The following TULP4 variants were observed in gnomAD, a reference collection of about 807,000 sequenced individuals.
TULP4 encodes the protein TUB like protein 4.
TULP4 carries 16 observed loss-of-function variants against 129.0 expected under a neutral mutation model. The observed-to-expected ratio is 0.12, with a 90% CI of 0.08 to 0.19. The LOEUF is 0.19. Ranked by LOEUF, TULP4 falls within the 10% of genes least tolerant of loss-of-function variation. TULP4 has a pLI of 1.00. For missense variants in TULP4, 1,842 were observed against 2,059.1 expected (o/e 0.89, Z 2.04); for synonymous variants, 998 against 854.0 (o/e 1.17, Z -2.94).
chr6:158,500,117 A>G (rs1332676187), intron 12 of TULP4, among the ~76,000 whole-genome samples: 1 of 152,210 alleles, frequency 6.6e-6, no homozygotes, highest in Non-Finnish European at 1.5e-5. Context: ...TGCGAGGAAT[A>G]CAGCCCTCTC....
At chr6:158,408,469 A>G (rs1242811641) in intron 1 of TULP4, among the ~76,000 whole-genome samples, 2 of 152,194 alleles carry the variant, frequency 1.3e-5, no homozygotes, top group Admixed American at 1.3e-4. Flanking sequence ...TTGTGAATTA[A>G]TAACACAGAG....
At position 158,378,674 on chromosome 6, in the gene TULP4, A is replaced by G. The variant is rs190945703; in HGVS notation, c.253-34391A>G. ...TGATTTTTGTATTTTTAGTAGAGAC[A>G]GGGTTTCACCATCTTGGCCAGGCTG... On this transcript the variant is annotated intron_variant, in intron 1 of 13. Coordinates refer to ENST00000367097, the MANE Select transcript of TULP4 (RefSeq NM_020245.5). 2.9e-4 allele frequency among the ~76,000 whole-genome samples: 44 copies of G among 152,068 alleles called. 1 individual carries two copies. The East Asian group carries it at 5.6e-3, about 19-fold the overall frequency.
upstream of TULP4, among the ~76,000 whole-genome samples, chr6:158,309,333 G>C (rs1455512686): frequency 4.1e-5 from 6 of 145,654 alleles, no homozygotes; most frequent in Non-Finnish European, 9.1e-5. Context: ...TCAGACCATG[G>C]GCAGCCGGGC....
intron 1 of TULP4, chr6:158,238,181 G>A: frequency 1.3e-6 from 1 of 789,902 alleles, no homozygotes; most frequent in Middle Eastern, 3.0e-4. Context: ...ATTCTCTTGA[G>A]AAATTTTCAA....
intron 1 of TULP4, among the ~76,000 whole-genome samples, chr6:158,247,238 A>C (rs548058508): frequency 1.3e-5 from 2 of 152,218 alleles, no homozygotes; most frequent in South Asian, 4.1e-4. Context: ...CCCTGGGATA[A>C]AGTGCTTGTA....
intron 9 of TULP4, among the ~76,000 whole-genome samples, chr6:158,490,831 A>G (rs898591762): frequency 2.7e-5 from 4 of 149,502 alleles, no homozygotes; most frequent in Non-Finnish European, 4.4e-5. Context: ...GAGAGTCATC[A>G]TGTTGTTGCA....
Position 158,313,396 on chromosome 6 carries a change from G to T in TULP4, c.-621G>T, listed in dbSNP as rs1421736809. On this transcript the variant is annotated 5_prime_UTR_variant, in exon 1 of 14. Transcript: ENST00000367097. Reference sequence around the variant, plus strand: ...CTCTGGTCTGTTTTGCACGGTTTGTGTGCCTTTTTTTCCCTTTATGCAATC... The same window carrying T: ...CTCTGGTCTGTTTTGCACGGTTTGTTTGCCTTTTTTTCCCTTTATGCAATC... 2.5e-6 allele frequency: 1 copy of T among 398,620 alleles called. No individual in the cohort carries two copies. Among genetic ancestry groups the T allele is most frequent in the Non-Finnish European group, 4.4e-6 (1 of 226,262 alleles). The allele number at this position is 398,620 out of a possible 1,614,324, so 24.7% of individuals were successfully genotyped here. A position where few individuals can be genotyped will look rare whatever the true frequency, so the allele number is the denominator to read the frequency against.
At chr6:158,245,052 C>T (rs1282774099) in intron 1 of TULP4, among the ~76,000 whole-genome samples, 1 of 151,892 alleles carries the variant, frequency 6.6e-6, no homozygotes, top group Non-Finnish European at 1.5e-5. Flanking sequence ...TGCAGTGGTG[C>T]GATCATGCTT....
At chr6:158,365,656 A>G (rs1390288758) in intron 1 of TULP4, among the ~76,000 whole-genome samples, 1 of 149,896 alleles carries the variant, frequency 6.7e-6, no homozygotes, top group African/African-American at 2.5e-5. Flanking sequence ...TTTTGTTAGT[A>G]GAGAGGGGGT....
At chr6:158,501,289 TC>T (rs1395170888) in intron 12 of TULP4, among the ~76,000 whole-genome samples, 1 of 152,222 alleles carries the variant, frequency 6.6e-6, no homozygotes, top group African/African-American at 2.4e-5. Flanking sequence ...CTGCAAGTCC[TC>T]AATGGAGGTT....
chr6:158,500,190 A>G (rs778744542), intron 12 of TULP4, among the ~76,000 whole-genome samples: 22 of 152,218 alleles, frequency 1.4e-4, no homozygotes, highest in Admixed American at 1.3e-3. Flanking sequence ...AGGAGGGAAC[A>G]TATTGTCTCA....
intron 9 of TULP4, among the ~76,000 whole-genome samples, chr6:158,490,852 GTTTGTT>G (rs1780183624): frequency 6.6e-6 from 1 of 151,314 alleles, no homozygotes. Flanking sequence ...TGTATCAGTA[GTTTGTT>G]TTTCTTTATT....
At chr6:158,334,018 G>A (rs943050631) in intron 1 of TULP4, among the ~76,000 whole-genome samples, 6 of 152,260 alleles carry the variant, frequency 3.9e-5, no homozygotes, top group Non-Finnish European at 8.8e-5. Flanking sequence ...CCAGTGTCGC[G>A]AGTATCCGCT....
At chr6:158,440,569 G>C (rs899810030) in intron 3 of TULP4, among the ~76,000 whole-genome samples, 4 of 152,082 alleles carry the variant, frequency 2.6e-5, no homozygotes, top group Non-Finnish European at 5.9e-5. Flanking sequence ...TTAGTAGTGT[G>C]AATACCACAC....
intron 1 of TULP4, among the ~76,000 whole-genome samples, chr6:158,237,017 GC>G (rs530613383): frequency 2.9e-4 from 44 of 151,688 alleles, no homozygotes; most frequent in African/African-American, 1.0e-3. Context: ...CACTGTGTTG[GC>G]CAGGCTGGTC....
chr6:158,305,594 A>G (rs1007476262), intron 1 of TULP4, among the ~76,000 whole-genome samples: 6 of 151,190 alleles, frequency 4.0e-5, no homozygotes, highest in Non-Finnish European at 7.4e-5. Context: ...AGTCTCAGCT[A>G]TTTGGGAGGC....
intron 1 of TULP4, among the ~76,000 whole-genome samples, chr6:158,382,403 C>T (rs1777350360): frequency 1.3e-5 from 2 of 152,094 alleles, no homozygotes; most frequent in South Asian, 2.1e-4. Flanking sequence ...CATAATTGAG[C>T]GGGAAAACAA....
intron 1 of TULP4, among the ~76,000 whole-genome samples, chr6:158,291,619 G>T (rs114436447): frequency 3.3e-4 from 50 of 152,072 alleles, no homozygotes; most frequent in African/African-American, 1.2e-3. Context: ...TATGTCTTCA[G>T]ATATTTCTTT....
At chr6:158,242,469 A>G (rs1453064379) in intron 1 of TULP4, 1 of 877,530 alleles carries the variant, frequency 1.1e-6, no homozygotes, top group African/African-American at 1.6e-5. Context: ...CAAACGGTGT[A>G]ACACTTATCC....
Sources: gnomAD v4.1 joint callset for allele counts (sites outside exome capture counted in the v4.1 genomes callset) on GRCh38, gnomAD v4.1.1 for gene constraint, MANE v1.5 for transcripts, NCBI Gene and HGNC (gene_info 2026-07-23, HGNC 2026-07-21) for gene names.